The following CEP57 variants were observed in gnomAD, a reference collection of about 807,000 sequenced individuals.
The protein encoded by CEP57 is centrosomal protein of 57 kDa.
Under a neutral mutation model 68.0 loss-of-function variants are expected in CEP57, and 40 were observed. The ratio of observed to expected loss-of-function variants is 0.59; its 90% CI spans 0.46 to 0.77. CEP57 has a LOEUF of 0.77. Among genes scored for constraint, CEP57 ranks in the 30% least tolerant of loss-of-function variants. The pLI is 0.00. For missense variants in CEP57, 606 were observed against 580.7 expected (o/e 1.04, Z -0.45); for synonymous variants, 219 against 198.7 (o/e 1.10, Z -0.86).
At chr11:95,821,195 GTTTT>G (rs1218399064) in intron 6 of CEP57, among the ~76,000 whole-genome samples, 1 of 152,090 alleles carries the variant, frequency 6.6e-6, no homozygotes, top group Non-Finnish European at 1.5e-5. Context: ...TTCCAGACAG[GTTTT>G]TTGTTTTGTT....
At chr11:95,811,159 A>G (rs1862043908) in intron 2 of CEP57, among the ~76,000 whole-genome samples, 1 of 152,192 alleles carries the variant, frequency 6.6e-6, no homozygotes, top group Admixed American at 6.5e-5. Context: ...GGCACGGTTC[A>G]CAATAGCAAA....
intron 6 of CEP57, among the ~76,000 whole-genome samples, chr11:95,820,031 A>G (rs990316634): frequency 2.6e-5 from 4 of 152,158 alleles, no homozygotes; most frequent in Admixed American, 2.0e-4. Flanking sequence ...CCATTTCCAT[A>G]CTTGTAACAA....
chr11:95,816,930 G>A (rs1401799759), intron 4 of CEP57, among the ~76,000 whole-genome samples: 1 of 151,572 alleles, frequency 6.6e-6, no homozygotes, highest in Non-Finnish European at 1.5e-5. Context: ...AGAATTACTT[G>A]AACCCAGGAG....
intron 2 of CEP57, among the ~76,000 whole-genome samples, chr11:95,807,025 A>G (rs1331099974): frequency 2.0e-5 from 3 of 152,208 alleles, no homozygotes; most frequent in Non-Finnish European, 4.4e-5. Context: ...CTAAGGCTCC[A>G]GAGGAAGGAC....
At position 95,813,041 on chromosome 11, in the gene CEP57, T is replaced by C; in HGVS notation, c.312T>C (p.Tyr104=). 6.2e-7 allele frequency: 1 copy of C among 1,613,772 alleles called. No individual in the cohort carries two copies. The highest frequency in any genetic ancestry group is 8.5e-7 in the Non-Finnish European group (1 of 1,179,848). ...VKTLSRETIE[Y]KKVLDEQIQE... ...CCTTGTCTAGAGAAACAATTGAATA[T>C]AAGAAAGTACTGGATGAACAGATAC... Residue 104 remains tyrosine (Y), a synonymous_variant, in exon 3 of 11, where the codon TAT becomes TAC. Transcript: ENST00000325542.
chr11:95,822,697 A>ATCATGCCTTTACCAGTGTGTGGT, intron 8 of CEP57, 121 bp downstream of exon 8: 1 of 864,262 alleles, frequency 1.2e-6, no homozygotes, highest in Non-Finnish European at 1.9e-6. Context: ...CAGTGTGTGG[A>ATCATGCCTTTACCAGTGTGTGGT]TCACAGTGAT....
Position 95,801,192 on chromosome 11 carries a change from C to A in CEP57, c.202+1804C>A, listed in dbSNP as rs1422962780. Among the ~76,000 whole-genome samples the A allele has an allele frequency of 1.3e-5, 2 of 152,002 alleles. 1 individual carries two copies. On this transcript the variant is annotated intron_variant, in intron 2 of 10. Coordinates refer to ENST00000325542, the MANE Select transcript of CEP57 (RefSeq NM_014679.5). ...ATGATATCCAAATACCAGCTTAAAT[C>A]CTAACCTATAATGGGTGCTGAAAAG...
chr11:95,820,705 C>T (rs543156857), intron 6 of CEP57, among the ~76,000 whole-genome samples: 94 of 151,864 alleles, frequency 6.2e-4, no homozygotes, highest in Middle Eastern at 6.8e-3. Context: ...TATACAGCTG[C>T]TGGGAAGAAT....
chr11:95,803,218 CA>C (rs577313421), intron 2 of CEP57, among the ~76,000 whole-genome samples: 121 of 151,704 alleles, frequency 8.0e-4, no homozygotes, highest in East Asian at 1.2e-3. Context: ...ACAGATGACA[CA>C]AAAAAAGCAT....
chr11:95,795,522 G>A (rs1861305228), intron 1 of CEP57: 1 of 519,438 alleles, frequency 1.9e-6, no homozygotes, highest in South Asian at 2.8e-5. Context: ...TTAGTGTGCA[G>A]ACTAGGGAAA....
intron 9 of CEP57, 64 bp from the exon 10 acceptor site, chr11:95,829,123 T>C (rs545310052): frequency 6.5e-7 from 1 of 1,540,440 alleles, no homozygotes; most frequent in East Asian, 2.2e-5. Flanking sequence ...CATAATGAGG[T>C]ATAATAGACC....
Position 95,827,999 on chromosome 11 carries a change from T to C in CEP57, c.1099T>C (p.Leu367=), listed in dbSNP as rs759922227. 1.8e-5 allele frequency: 29 copies of C among 1,613,940 alleles called. No homozygotes were observed. In the South Asian group the frequency reaches 2.9e-4, roughly 16 times the overall value. The change falls in exon 9 of 11, where the codon TTA becomes CTA. Residue 367 remains leucine, a synonymous_variant. Transcript: ENST00000325542. ...GGAGTTGTCAGAAGTCTTACAGACT[T>C]TACAGGATGAATTTGGGCAAATGAG... ...NEELSEVLQT[L]QDEFGQMSFD...
At chr11:95,823,143 G>A (rs1862583314) in intron 8 of CEP57, 1 of 152,406 alleles carries the variant, frequency 6.6e-6, no homozygotes, top group Non-Finnish European at 1.5e-5. Flanking sequence ...TGTGTTGCTG[G>A]TGGTTTTATA....
intron 9 of CEP57, 106 bp from the exon 10 acceptor site, chr11:95,829,081 G>C: frequency 8.4e-7 from 1 of 1,187,608 alleles, no homozygotes; most frequent in South Asian, 1.3e-5. Context: ...TCAAAAAATG[G>C]AGTCATTTTT....
Position 95,817,886 on chromosome 11 carries a change from A to T in CEP57, c.604A>T (p.Met202Leu). Residue 202 changes from methionine to leucine, a missense_variant, in exon 5 of 11, where the codon ATG becomes TTG. By Grantham distance (15) the Met-to-Leu change is conservative. Coordinates refer to ENST00000325542, the MANE Select transcript of CEP57 (RefSeq NM_014679.5). ...ACAGGAGTATAACAAACTTACCACA[A>T]TGCAGGCCCTTGCAGAAGTCAGTGC... The part of the protein sequence containing the change: ...LEQEYNKLTT[M>L]QALAEKKMQE... The T allele has an allele frequency of 2.5e-6, 4 of 1,610,798 alleles. No homozygotes were observed. The highest frequency in any genetic ancestry group is 3.4e-6 in the Non-Finnish European group (4 of 1,177,052).
At chr11:95,809,002 C>G (rs971985628) in intron 2 of CEP57, among the ~76,000 whole-genome samples, 4 of 152,206 alleles carry the variant, frequency 2.6e-5, no homozygotes, top group African/African-American at 9.7e-5. Flanking sequence ...AACAGACTGT[C>G]TCTCAGACCA....
In CEP57 at chr11:95,827,472, C is replaced by T. The variant is rs1862792553; in HGVS notation, c.886-314C>T. On this transcript the variant is annotated intron_variant, in intron 8 of 10. Transcript: ENST00000325542. The stretch of plus-strand genomic sequence containing the variant: ...GAATGATATAAATGTTGCTAATACA[C>T]CAAAAAAATGTCATCTGCAAATATG... 6 of 324,746 alleles carry T rather than the reference C, an allele frequency of 1.8e-5. No homozygotes were observed. The South Asian group carries it at 2.0e-4, about 11-fold the overall frequency. The allele number at this position is 324,746 out of a possible 1,614,324, so 20.1% of individuals were successfully genotyped here. A position where few individuals can be genotyped will look rare whatever the true frequency, so the allele number is the denominator to read the frequency against.
At chr11:95,803,096 C>G (rs1274577640) in intron 2 of CEP57, among the ~76,000 whole-genome samples, 1 of 152,060 alleles carries the variant, frequency 6.6e-6, no homozygotes, top group African/African-American at 2.4e-5. Context: ...CAAGACAGAA[C>G]AGGAGACTGA....
chr11:95,808,313 C>T (rs1224507686), intron 2 of CEP57, among the ~76,000 whole-genome samples: 6 of 151,552 alleles, frequency 4.0e-5, no homozygotes, highest in East Asian at 3.9e-4. Context: ...CATCAACTAA[C>T]GAGCAAAATA....
Sources: gnomAD v4.1 joint callset for allele counts (sites outside exome capture counted in the v4.1 genomes callset) on GRCh38, gnomAD v4.1.1 for gene constraint, MANE v1.5 for transcripts, NCBI Gene and HGNC (gene_info 2026-07-23, HGNC 2026-07-21) for gene names.